The following PPP2R3A variants were observed in gnomAD, a reference collection of about 807,000 sequenced individuals.
PPP2R3A encodes protein phosphatase 2 regulatory subunit B''alpha, also known as serine/threonine-protein phosphatase 2A regulatory subunit B'' subunit alpha.
In PPP2R3A, 80 loss-of-function variants were observed where a neutral mutation model predicts 106.9. The observed-to-expected ratio is 0.75, with a 90% CI of 0.62 to 0.90. The LOEUF (loss-of-function observed/expected upper bound fraction) is 0.90. Among genes scored for constraint, PPP2R3A ranks in the 40% least tolerant of loss-of-function variants. The pLI is 0.00. For missense variants in PPP2R3A, 1,386 were observed against 1,350.4 expected, an observed-to-expected ratio of 1.03 and a Z score of -0.41; for synonymous variants, 483 against 468.3, an observed-to-expected ratio of 1.03 and a Z score of -0.41.
At chr3:136,046,552 C>T (rs1375085560) in intron 4 of PPP2R3A, among the ~76,000 whole-genome samples, 3 of 151,800 alleles carry the variant, frequency 2.0e-5, no homozygotes, top group African/African-American at 7.3e-5. Flanking sequence ...TCAGCTTGCA[C>T]CACAGTCAAA....
At chr3:136,052,883 A>G (rs73222222) in intron 5 of PPP2R3A, among the ~76,000 whole-genome samples, 35,220 of 152,202 alleles carry the variant, frequency 0.23, 4,885 homozygotes, top group Non-Finnish European at 0.32. Context: ...TTAAAAAGGA[A>G]TAAATCCACG....
chr3:136,061,926 CAA>C (rs369373163), intron 5 of PPP2R3A, among the ~76,000 whole-genome samples: 17 of 84,132 alleles, frequency 2.0e-4, no homozygotes, highest in Non-Finnish European at 2.7e-4. Context: ...GACTCTATCT[CAA>C]AAAAAAAAAA....
intron 4 of PPP2R3A, 93 bp downstream of exon 4, chr3:136,041,055 A>G: frequency 1.0e-6 from 1 of 999,330 alleles, no homozygotes; most frequent in Non-Finnish European, 1.4e-6. Context: ...ACTCATTTAT[A>G]CATTTTCCCT....
intron 5 of PPP2R3A, chr3:136,055,901 T>G: frequency 2.5e-6 from 1 of 397,992 alleles, no homozygotes; most frequent in Non-Finnish European, 4.5e-6. Flanking sequence ...TCCTTAAGAG[T>G]AGGCTATGCA....
Position 136,078,454 on chromosome 3 carries a change from G to A in PPP2R3A, c.2631+1G>A, listed in dbSNP as rs1176816351. The A allele has an allele frequency of 6.4e-7, 1 of 1,569,820 alleles. No homozygotes were observed. The highest frequency in any genetic ancestry group is 8.8e-7 in the Non-Finnish European group (1 of 1,142,322). ...GATAAGAAAAAGCAACTTTTTGCAA[G>A]TATGCCTTTCATTAGAATTCATGTG... On this transcript the variant is annotated splice_donor_variant, in intron 7 of 13. Transcript: ENST00000264977. LOFTEE classifies it high-confidence loss of function.
chr3:136,114,624 C>G (rs568068643), intron 13 of PPP2R3A, among the ~76,000 whole-genome samples: 2 of 152,254 alleles, frequency 1.3e-5, no homozygotes, highest in East Asian at 3.9e-4. Context: ...ATTGCTGAGG[C>G]TTGAGTATGT....
intron 2 of PPP2R3A, among the ~76,000 whole-genome samples, chr3:136,006,817 G>A (rs1189632763): frequency 6.6e-6 from 1 of 152,150 alleles, no homozygotes; most frequent in Non-Finnish European, 1.5e-5. Context: ...TCAAACCTAA[G>A]CTCTGTAATA....
At chr3:136,044,598 A>G (rs1262639580) in intron 4 of PPP2R3A, among the ~76,000 whole-genome samples, 2 of 150,084 alleles carry the variant, frequency 1.3e-5, no homozygotes, top group Non-Finnish European at 3.0e-5. Flanking sequence ...AAAAAAAGAC[A>G]AGGATGTTAA....
At position 136,027,114 on chromosome 3, in the gene PPP2R3A, A is replaced by C. The variant is rs1934693653; in HGVS notation, c.2262+16A>C. ...AATTGCAAAGGTAATGTAACTACTA[A>C]ATGATTTACAATCTCCCCTTCTTTA... On this transcript the variant is annotated intron_variant, in intron 3 of 13. Transcript: ENST00000264977. The C allele has an allele frequency of 6.3e-7, 1 of 1,595,422 alleles. No homozygotes were observed. Among genetic ancestry groups the C allele is most frequent in the Non-Finnish European group, 8.6e-7 (1 of 1,169,272 alleles).
At position 136,002,409 on chromosome 3, in the gene PPP2R3A, C is replaced by G; in HGVS notation, c.911C>G (p.Ala304Gly). 1 of 1,613,952 alleles carries G rather than the reference C, an allele frequency of 6.2e-7. No individual in the cohort carries two copies. Among genetic ancestry groups the G allele is most frequent in the Non-Finnish European group, 8.5e-7 (1 of 1,179,872 alleles). The change falls in exon 2 of 14, where the codon GCT becomes GGT. Residue 304 changes from alanine (A) to glycine (G), a missense_variant. Transcript: ENST00000264977. Reference sequence around the variant, plus strand: ...TTCATGCAGTCTGGGAATAATGAGGCTCTAGATTTAACAGAACTGATCAGT... The same window carrying G: ...TTCATGCAGTCTGGGAATAATGAGGGTCTAGATTTAACAGAACTGATCAGT... ...FEFMQSGNNE[A>G]LDLTELISNM...
chr3:136,040,955 T>C lies in PPP2R3A; in HGVS notation c.2359T>C (p.Trp787Arg). The change falls in exon 4 of 14, where the codon TGG (tryptophan) becomes CGG (arginine). Residue 787 changes from tryptophan to arginine, a missense_variant. Transcript: ENST00000264977. Reference sequence around the variant, plus strand: ...GACAGCACAGTCATTCATTGCCATGTGGAGAAAGTAAGTATGTGAGCAGTC... The same window carrying C: ...GACAGCACAGTCATTCATTGCCATGCGGAGAAAGTAAGTATGTGAGCAGTC... ...FVTAQSFIAM[W>R]RKLLNNHHDD... 6.2e-7 allele frequency: 1 copy of C among 1,612,974 alleles called. No individual in the cohort carries two copies.
chr3:136,118,284 C>A (rs569957725), intron 13 of PPP2R3A, among the ~76,000 whole-genome samples: 1 of 152,218 alleles, frequency 6.6e-6, no homozygotes, highest in South Asian at 2.1e-4. Context: ...ACTGAATGGG[C>A]AAAAACTGGA....
chr3:136,079,011 T>G (rs1936691261), intron 7 of PPP2R3A: 1 of 282,784 alleles, frequency 3.5e-6, no homozygotes, highest in African/African-American at 2.2e-5. Context: ...TTGTTTAAGC[T>G]TCTGTAAACA....
At position 136,146,330 on chromosome 3, in the gene PPP2R3A, AC is replaced by A. The variant is rs1939124116; in HGVS notation, c.*1169del. The A allele has an allele frequency of 6.6e-6, 1 of 152,090 alleles. No individual in the cohort carries two copies. The highest frequency in any genetic ancestry group is 2.4e-5 in the African/African-American group (1 of 41,408). The allele number at this position is 152,090 out of a possible 1,614,324, so 9.4% of individuals were successfully genotyped here. On this transcript the variant is annotated 3_prime_UTR_variant, in exon 14 of 14. Coordinates refer to ENST00000264977, the MANE Select transcript of PPP2R3A (RefSeq NM_002718.5). ...GATAGACATTTCTGATGTAAGTAAA[AC>A]CCCCAAGCAACTTAATATCCATCTG...
intron 13 of PPP2R3A, among the ~76,000 whole-genome samples, chr3:136,118,284 CAA>C (rs1937856341): frequency 1.3e-5 from 2 of 152,100 alleles, no homozygotes; most frequent in Admixed American, 6.6e-5. Flanking sequence ...ACTGAATGGG[CAA>C]AAACTGGAAA....
chr3:136,141,297 G>A (rs151031944), intron 13 of PPP2R3A, among the ~76,000 whole-genome samples: 15 of 152,322 alleles, frequency 9.8e-5, no homozygotes, highest in African/African-American at 3.6e-4. Context: ...TAAAATATGT[G>A]ACTGTGTGCA....
intron 2 of PPP2R3A, among the ~76,000 whole-genome samples, chr3:136,015,739 A>G (rs578102541): frequency 6.6e-6 from 1 of 151,598 alleles, no homozygotes; most frequent in African/African-American, 2.4e-5. Context: ...TGGTCTATCA[A>G]TTTTGTTTAT....
intron 2 of PPP2R3A, among the ~76,000 whole-genome samples, chr3:136,010,223 C>A (rs1934001674): frequency 1.3e-5 from 2 of 151,628 alleles, no homozygotes; most frequent in South Asian, 4.2e-4. Flanking sequence ...TATACATGAA[C>A]CATCCAAGCT....
chr3:136,129,820 T>A (rs996812517), intron 13 of PPP2R3A, among the ~76,000 whole-genome samples: 1 of 152,114 alleles, frequency 6.6e-6, no homozygotes, highest in Admixed American at 6.6e-5. Context: ...TCCACTATGA[T>A]CAAGTCAGCT....
Sources: gnomAD v4.1 joint callset for allele counts (sites outside exome capture counted in the v4.1 genomes callset) on GRCh38, gnomAD v4.1.1 for gene constraint, MANE v1.5 for transcripts, NCBI Gene and HGNC (gene_info 2026-07-23, HGNC 2026-07-21) for gene names.